Variants in APLP2 observed in about 807,000 individuals in gnomAD.
APLP2 encodes the protein amyloid beta precursor like protein 2, also known as CDEI box-binding protein.
APLP2 carries 53 observed loss-of-function variants against 89.9 expected under a neutral mutation model. That is an observed-to-expected ratio of 0.59 (90% CI 0.47 to 0.74). The LOEUF (loss-of-function observed/expected upper bound fraction) is 0.74, where lower values mean the gene tolerates loss of function less well. Among genes scored for constraint, APLP2 ranks in the 30% least tolerant of loss-of-function variants. The pLI is 0.00. For missense variants in APLP2, 973 were observed against 975.9 expected (o/e 1.00, Z 0.04); for synonymous variants, 372 against 348.6 (o/e 1.07, Z -0.75).
At chr11:130,080,289 C>T (rs532109303) in intron 1 of APLP2, among the ~76,000 whole-genome samples, 132 of 151,794 alleles carry the variant, frequency 8.7e-4, no homozygotes, top group Non-Finnish European at 1.4e-3. Flanking sequence ...TTGTCTCAAC[C>T]TTTGCCTCCT....
rs1043259512 is a variant in APLP2, at chr11:130,069,953, G to A, written c.-25G>A. 2 of 1,487,552 alleles carry A rather than the reference G, an allele frequency of 1.3e-6. No individual in the cohort carries two copies. The highest frequency in any genetic ancestry group is 1.4e-5 in the African/African-American group (1 of 69,238). 92.1% of individuals were successfully genotyped at this position (1,487,552 alleles called of 1,614,324 possible). ...GTCCGAGTGTGTGAGCTTGAGAGCC[G>A]CGCGCTAGAGCGACCCGGCGAGGGA... On this transcript the variant is annotated 5_prime_UTR_variant, in exon 1 of 17. Coordinates refer to ENST00000338167, the MANE Select transcript of APLP2 (RefSeq NM_001142276.2).
At position 130,141,233 on chromosome 11, in the gene APLP2, T is replaced by G. The variant is rs957674261; in HGVS notation, c.1924-265T>G. On this transcript the variant is annotated intron_variant, in intron 14 of 16. Transcript: ENST00000338167. This position sits in a 1 kb window ranked among gnomAD's most constrained non-coding sequence, Gnocchi z 4.2. ...AACGGGGCTTTTTGGCAGTCTGTTC[T>G]GAGATACGTCTCCACAACGGTTACT... 2.3e-4 allele frequency: 106 copies of G among 451,340 alleles called. 1 individual carries two copies. Among genetic ancestry groups the G allele is most frequent in the Non-Finnish European group, 3.7e-4 (93 of 249,888 alleles). 28.0% of individuals were successfully genotyped at this position (451,340 alleles called of 1,614,324 possible).
At chr11:130,124,706 C>T (rs182812373) in intron 7 of APLP2, among the ~76,000 whole-genome samples, 1 of 152,298 alleles carries the variant, frequency 6.6e-6, no homozygotes, top group African/African-American at 2.4e-5. Context: ...CTTCCTTCTA[C>T]CAAAAGATCT....
At chr11:130,125,064 C>G (rs776041721) in intron 7 of APLP2, among the ~76,000 whole-genome samples, 13 of 152,136 alleles carry the variant, frequency 8.5e-5, no homozygotes, top group Non-Finnish European at 5.9e-5. Flanking sequence ...GCTTTGTGTT[C>G]ATGTTCTTGT....
intron 1 of APLP2, among the ~76,000 whole-genome samples, chr11:130,092,705 G>A (rs1335059013): frequency 7.5e-6 from 1 of 133,922 alleles, no homozygotes; most frequent in Admixed American, 7.1e-5. Flanking sequence ...ACCGTGGGGG[G>A]AGGGAGGGGG....
chr11:130,120,657 A>G (rs1949709138), intron 3 of APLP2, 49 bp from the exon 4 acceptor site: 1 of 1,404,736 alleles, frequency 7.1e-7, no homozygotes, highest in Non-Finnish European at 1.0e-6. Flanking sequence ...GGGCATTTTC[A>G]CCTTGAAATC....
At chr11:130,085,759 C>T (rs1274072649) in intron 1 of APLP2, among the ~76,000 whole-genome samples, 1 of 152,208 alleles carries the variant, frequency 6.6e-6, no homozygotes, top group Non-Finnish European at 1.5e-5. Context: ...CCTGGATCCC[C>T]CAGCCCCTGG....
At chr11:130,137,703 C>T (rs1031324753) in intron 13 of APLP2, among the ~76,000 whole-genome samples, 1 of 152,122 alleles carries the variant, frequency 6.6e-6, no homozygotes, top group Non-Finnish European at 1.5e-5. Flanking sequence ...CTCTTTTTCT[C>T]TGCAATTCCC....
intron 5 of APLP2, 50 bp from the exon 6 acceptor site, chr11:130,122,255 T>G (rs1949909456): frequency 6.2e-7 from 1 of 1,601,798 alleles, no homozygotes; most frequent in South Asian, 1.1e-5. Context: ...ATTGTTGTGC[T>G]TTGCACATAG....
intron 1 of APLP2, among the ~76,000 whole-genome samples, chr11:130,088,781 TATA>T (rs1330746532): frequency 6.6e-6 from 1 of 152,096 alleles, no homozygotes; most frequent in African/African-American, 2.4e-5. Context: ...ACTCCCAACT[TATA>T]ATATTAATAA....
intron 2 of APLP2, among the ~76,000 whole-genome samples, chr11:130,110,175 C>A (rs935145329): frequency 1.3e-5 from 2 of 152,190 alleles, no homozygotes; most frequent in African/African-American, 4.8e-5. Context: ...TCTGTAATTT[C>A]ATTGACAGAT....
intron 1 of APLP2, 76 bp downstream of exon 1, chr11:130,070,158 G>A: frequency 9.5e-7 from 1 of 1,049,322 alleles, no homozygotes; most frequent in Non-Finnish European, 1.2e-6. Context: ...GGGCAGCGGG[G>A]TCCGCGGCAG....
At chr11:130,134,387 C>T (rs980661783) in intron 12 of APLP2, among the ~76,000 whole-genome samples, 7 of 152,152 alleles carry the variant, frequency 4.6e-5, no homozygotes, top group African/African-American at 1.7e-4. Context: ...GAGGGAGCGG[C>T]AGCTACAAAG....
In APLP2 at chr11:130,109,440, C is replaced by T; in HGVS notation, c.117C>T (p.Ala39=). ...ALAGYIEALA[A]NAGTGFAVAE... ...TTTCCCTTTGGTAGGCTCTTGCAGC[C>T]AATGCCGGAACAGGATTTGCTGTTG... is the stretch of plus-strand genomic sequence containing the variant. Residue 39 remains alanine, a synonymous_variant, in exon 2 of 17, where the codon GCC becomes GCT. Transcript: ENST00000338167. The T allele has an allele frequency of 6.2e-7, 1 of 1,610,610 alleles. No individual in the cohort carries two copies. The highest frequency in any genetic ancestry group is 1.3e-5 in the African/African-American group (1 of 74,764).
chr11:130,072,633 C>T (rs1941336230), intron 1 of APLP2, among the ~76,000 whole-genome samples: 1 of 152,060 alleles, frequency 6.6e-6, no homozygotes, highest in Non-Finnish European at 1.5e-5. Flanking sequence ...CCTGCCACCA[C>T]GCCCAGCTAA....
At chr11:130,110,048 C>T (rs376398470) in intron 2 of APLP2, among the ~76,000 whole-genome samples, 1 of 152,160 alleles carries the variant, frequency 6.6e-6, no homozygotes, top group African/African-American at 2.4e-5. Context: ...CTACATTGGC[C>T]AGGGTACTCT....
At chr11:130,107,030 C>A (rs940918315) in intron 1 of APLP2, among the ~76,000 whole-genome samples, 2 of 152,140 alleles carry the variant, frequency 1.3e-5, no homozygotes, top group Non-Finnish European at 2.9e-5. Context: ...TGTTCTTTTC[C>A]TTCTTAAGAC....
At chr11:130,078,774 G>A (rs1377801280) in intron 1 of APLP2, among the ~76,000 whole-genome samples, 4 of 151,860 alleles carry the variant, frequency 2.6e-5, no homozygotes, top group African/African-American at 7.2e-5. Context: ...CTCCCTGTGC[G>A]TGAATCTGTT....
chr11:130,114,983 TC>T (rs1949004943), intron 3 of APLP2, among the ~76,000 whole-genome samples: 1 of 152,114 alleles, frequency 6.6e-6, no homozygotes, highest in Non-Finnish European at 1.5e-5. Context: ...TTCACCCTGT[TC>T]CTGGTGTGGA....
Sources: allele counts gnomAD v4.1 joint callset (sites outside exome capture counted in the v4.1 genomes callset), GRCh38; gene constraint gnomAD v4.1.1; non-coding constraint Gnocchi (gnomAD v3.1); transcripts MANE v1.5; gene names NCBI Gene and HGNC (gene_info 2026-07-23, HGNC 2026-07-21).